Variants in POLI observed in about 807,000 individuals in gnomAD.
The protein encoded by POLI is RAD30 homolog B.
In POLI, 58 loss-of-function variants were observed where a neutral mutation model predicts 51.6. The observed-to-expected ratio is 1.12, with a 90% CI of 0.91 to 1.40. The LOEUF (loss-of-function observed/expected upper bound fraction) is 1.40. Ranked by LOEUF, POLI falls within the 40% of genes most tolerant of loss-of-function variation. The pLI is 0.00. For missense variants in POLI, 921 were observed against 871.3 expected, an observed-to-expected ratio of 1.06 and a Z score of -0.72; for synonymous variants, 322 against 299.7, an observed-to-expected ratio of 1.07 and a Z score of -0.77.
intron 4 of POLI, 134 bp downstream of exon 4, chr18:54,277,989 G>T: frequency 1.6e-6 from 1 of 633,260 alleles, no homozygotes; most frequent in East Asian, 2.8e-5. Context: ...TCAGTAATCT[G>T]TCTAGGACAG....
chr18:54,274,324 T>C (rs2087143572), intron 3 of POLI, among the ~76,000 whole-genome samples: 1 of 152,092 alleles, frequency 6.6e-6, no homozygotes, highest in Admixed American at 6.5e-5. Flanking sequence ...ATTATTGATG[T>C]TTATATAACA....
rs1338792033 is a variant in POLI at position 54,294,703 on chromosome 18, A to G, written c.*236A>G. The G allele has an allele frequency of 1.2e-5, 13 of 1,100,646 alleles. 1 individual carries two copies. Among genetic ancestry groups the G allele is most frequent in the Middle Eastern group, 3.8e-4 (1 of 2,632 alleles). 68.2% of individuals were successfully genotyped at this position (1,100,646 alleles called of 1,614,324 possible). A position where few individuals can be genotyped will look rare whatever the true frequency, so the allele number is the denominator to read the frequency against. ...TAAAGCCATTTTATATTACTTTTCA[A>G]TAAAAAGAATATCATGGTCAACATA... is the stretch of plus-strand genomic sequence containing the variant. On this transcript the variant is annotated 3_prime_UTR_variant, in exon 10 of 10. Transcript: ENST00000579534.
Position 54,293,940 on chromosome 18 carries a change from A to C in POLI, c.1696A>C (p.Arg566=). The change falls in exon 10 of 10, where the codon AGA becomes CGA. Residue 566 remains arginine (R), a synonymous_variant. Transcript: ENST00000579534. ...GSVSCPLHAS[R]GVLSFFSKKQ... Reference sequence around the variant, plus strand: ...TGTGAGTTGTCCATTACATGCCTCTAGAGGAGTATTATCTTTCTTTTCTAA... The same window carrying C: ...TGTGAGTTGTCCATTACATGCCTCTCGAGGAGTATTATCTTTCTTTTCTAA... 6.2e-7 allele frequency: 1 copy of C among 1,612,488 alleles called. No homozygotes were observed. Among genetic ancestry groups the C allele is most frequent in the Non-Finnish European group, 8.5e-7 (1 of 1,178,764 alleles).
At chr18:54,269,971 A>C (rs1412436260) in intron 1 of POLI, 1 of 1,135,370 alleles carries the variant, frequency 8.8e-7, no homozygotes, top group Non-Finnish European at 1.1e-6. Flanking sequence ...CGAAAACTGC[A>C]GAGGCTTCTG....
In POLI at chr18:54,296,002, G is replaced by A; in HGVS notation, c.*1535G>A. On this transcript the variant is annotated 3_prime_UTR_variant, in exon 10 of 10. Coordinates refer to ENST00000579534, the MANE Select transcript of POLI (RefSeq NM_007195.3). ...TGCTAACACGAAGGATTGTAAATAG[G>A]TAGTTTGAGGTTATCAGGAACAGTA... The A allele has an allele frequency of 1.0e-6, 1 of 984,714 alleles. No homozygotes were observed. The highest frequency in any genetic ancestry group is 1.2e-6 in the Non-Finnish European group (1 of 829,316). 61.0% of individuals were successfully genotyped at this position (984,714 alleles called of 1,614,324 possible). A position where few individuals can be genotyped will look rare whatever the true frequency, so the allele number is the denominator to read the frequency against.
At chr18:54,273,713 A>C (rs890780242) in intron 2 of POLI, among the ~76,000 whole-genome samples, 3 of 152,138 alleles carry the variant, frequency 2.0e-5, no homozygotes, top group South Asian at 4.1e-4. Flanking sequence ...TTGGTATATT[A>C]TAATTCATAA....
intron 3 of POLI, among the ~76,000 whole-genome samples, chr18:54,275,856 A>G (rs577294745): frequency 5.7e-4 from 87 of 152,114 alleles, no homozygotes; most frequent in African/African-American, 2.0e-3. Context: ...TTCTCACAGT[A>G]TTTTTCTGAG....
At chr18:54,276,797 C>T (rs981859179) in intron 3 of POLI, among the ~76,000 whole-genome samples, 1 of 152,138 alleles carries the variant, frequency 6.6e-6, no homozygotes, top group African/African-American at 2.4e-5. Context: ...AACAAAAAAG[C>T]ACCTTTGGTG....
intron 5 of POLI, among the ~76,000 whole-genome samples, chr18:54,282,500 G>A (rs974838940): frequency 2.0e-5 from 3 of 152,270 alleles, no homozygotes; most frequent in Admixed American, 6.5e-5. Flanking sequence ...TTGAGAGAGA[G>A]AGGCAGAGAC....
chr18:54,294,332 T>G lies in POLI; in HGVS notation c.2088T>G (p.Asp696Glu). 2 of 1,613,600 alleles carry G rather than the reference T, an allele frequency of 1.2e-6. No individual in the cohort carries two copies. Among genetic ancestry groups the G allele is most frequent in the Non-Finnish European group, 1.7e-6 (2 of 1,179,624 alleles). ...GACTTACAGAAAATAGAGAGCCAGA[T>G]TCTGTTGATGAGAAAATTACTTTCC... ...HEGLTENREP[D>E]SVDEKITFPS... Residue 696 changes from aspartate (D) to glutamate (E), a missense_variant, in exon 10 of 10, where the codon GAT becomes GAG. Physicochemically the swap from Asp to Glu is conservative, Grantham distance 45 (BLOSUM62 2). Coordinates refer to ENST00000579534, the MANE Select transcript of POLI (RefSeq NM_007195.3).
chr18:54,293,614 G>C, intron 9 of POLI, 35 bp from the exon 10 acceptor site: 1 of 1,376,146 alleles, frequency 7.3e-7, no homozygotes, highest in Non-Finnish European at 9.8e-7. Flanking sequence ...AAAGATATCA[G>C]ATATGTAAAT....
At chr18:54,278,809 A>G (rs895875860) in intron 4 of POLI, among the ~76,000 whole-genome samples, 5 of 152,182 alleles carry the variant, frequency 3.3e-5, no homozygotes, top group African/African-American at 4.8e-5. Flanking sequence ...CACATACAAG[A>G]CAAGGTACTC....
At chr18:54,293,333 G>A (rs995186438) in intron 9 of POLI, among the ~76,000 whole-genome samples, 5 of 151,614 alleles carry the variant, frequency 3.3e-5, no homozygotes, top group Admixed American at 2.6e-4. Flanking sequence ...TTTCTAGGCC[G>A]CCATTCTTTT....
At position 54,298,227 on chromosome 18, in the gene POLI, T is replaced by C. The variant is rs930825431; in HGVS notation, c.*3760T>C. 9.7e-6 allele frequency: 2 copies of C among 206,714 alleles called. No individual in the cohort carries two copies. The highest frequency in any genetic ancestry group is 1.7e-5 in the Non-Finnish European group (2 of 118,126). 12.8% of individuals were successfully genotyped at this position (206,714 alleles called of 1,614,324 possible). ...TGTCCAAGTCAAGAAATAAAACATATCAAGTAATCAAGAAGTCCAGAGTTT... is the reference window on the plus strand; with the variant it reads ...TGTCCAAGTCAAGAAATAAAACATACCAAGTAATCAAGAAGTCCAGAGTTT... On this transcript the variant is annotated 3_prime_UTR_variant, in exon 10 of 10. Coordinates refer to ENST00000579534, the MANE Select transcript of POLI (RefSeq NM_007195.3).
At chr18:54,301,755 C>T (rs1245517535), downstream of POLI, among the ~76,000 whole-genome samples, 3 of 152,164 alleles carry the variant, frequency 2.0e-5, no homozygotes, top group Non-Finnish European at 4.4e-5. Context: ...CAGGGCTGCA[C>T]CCTGGAAACT....
chr18:54,296,433 A>G lies in POLI; in HGVS notation c.*1966A>G, dbSNP rs1008230075. On this transcript the variant is annotated 3_prime_UTR_variant, in exon 10 of 10. Coordinates refer to ENST00000579534, the MANE Select transcript of POLI (RefSeq NM_007195.3). The stretch of plus-strand genomic sequence containing the variant: ...ATCTTTTTTCTCTGTTTTTAAGATT[A>G]TCTCTTTTTTCTTTGGTGCTTTGCA... The G allele has an allele frequency of 2.2e-6, 2 of 904,450 alleles. No homozygotes were observed. Among genetic ancestry groups the G allele is most frequent in the Non-Finnish European group, 2.6e-6 (2 of 756,214 alleles). The allele number at this position is 904,450 out of a possible 1,614,324, so 56.0% of individuals were successfully genotyped here. A position where few individuals can be genotyped will look rare whatever the true frequency, so the allele number is the denominator to read the frequency against.
chr18:54,318,769 T>C (rs1009904018), intron 3 of POLI, among the ~76,000 whole-genome samples: 1 of 152,206 alleles, frequency 6.6e-6, no homozygotes, highest in African/African-American at 2.4e-5. Context: ...TTTATGCTCA[T>C]GAATGGCTAG....
intron 8 of POLI, chr18:54,291,561 A>G: frequency 4.4e-6 from 1 of 226,720 alleles, no homozygotes; most frequent in Non-Finnish European, 8.6e-6. Context: ...TTCCACCAAA[A>G]TGATTGTTTT....
At chr18:54,302,997 T>G (rs2088517899), downstream of POLI, among the ~76,000 whole-genome samples, 1 of 152,208 alleles carries the variant, frequency 6.6e-6, no homozygotes, top group Admixed American at 6.5e-5. Context: ...TAGCATCACA[T>G]CATTGATGTG....
Sources: gnomAD v4.1 joint callset for allele counts (sites outside exome capture counted in the v4.1 genomes callset) on GRCh38, gnomAD v4.1.1 for gene constraint, MANE v1.5 for transcripts, NCBI Gene and HGNC (gene_info 2026-07-23, HGNC 2026-07-21) for gene names.